LDLRAD4: variants seen among roughly 807,000 people sequenced by gnomAD.
LDLRAD4 encodes low density lipoprotein receptor class A domain containing 4.
Under a neutral mutation model 17.0 loss-of-function variants are expected in LDLRAD4, and 5 were observed. The ratio of observed to expected loss-of-function variants is 0.29; its 90% CI spans 0.15 to 0.62. The LOEUF (loss-of-function observed/expected upper bound fraction) is 0.62. LDLRAD4 is among the 20% of genes least tolerant of loss of function. The pLI is 0.84. For synonymous variants in LDLRAD4, 168 were observed against 171.8 expected, an observed-to-expected ratio of 0.98 and a Z score of 0.17; for missense variants, 340 against 424.7, an observed-to-expected ratio of 0.80 and a Z score of 1.75.
rs767965934 is a variant in LDLRAD4, at chr18:13,560,313, C to T, written c.182-60804C>T. ...ATGTCACAAGGAGTCTGTCCGGCTG[C>T]TCACCTTTTCTCTGACTTCTGAGCA... On this transcript the variant is annotated intron_variant, in intron 3 of 5. Transcript: ENST00000359446. 2.8e-4 allele frequency among the ~76,000 whole-genome samples: 42 copies of T among 152,216 alleles called. 2 individuals are homozygous for T. The highest frequency in any genetic ancestry group is 2.6e-4 in the Admixed American group (4 of 15,278).
intron 2 of LDLRAD4, among the ~76,000 whole-genome samples, chr18:13,435,640 G>T (rs1290482279): frequency 1.3e-5 from 2 of 152,106 alleles, no homozygotes; most frequent in Non-Finnish European, 2.9e-5. Flanking sequence ...TAGAGACAGG[G>T]TCTCGCTTTG....
chr18:13,642,212 T>C, intron 4 of LDLRAD4: 1 of 985,884 alleles, frequency 1.0e-6, no homozygotes, highest in Non-Finnish European at 1.2e-6. Flanking sequence ...CGGTGTTTCT[T>C]CCGCGCCGTC....
chr18:13,226,439 C>T (rs1324747687), intron 1 of LDLRAD4, among the ~76,000 whole-genome samples: 1 of 151,810 alleles, frequency 6.6e-6, no homozygotes, highest in Non-Finnish European at 1.5e-5. Flanking sequence ...GGAGAGGCAA[C>T]TTAGATTCCC....
rs145687084 is a variant in LDLRAD4 at position 13,378,735 on chromosome 18, A to G, written c.-382-8606A>G. Among the ~76,000 whole-genome samples the G allele has an allele frequency of 6.7e-3, 1,022 of 152,016 alleles. 42 individuals are homozygous for G. The highest frequency in any genetic ancestry group is 0.045 in the Admixed American group (688 of 15,290). ...TTCATACCAAAAACCTCACCCACAC[A>G]CTTTCTCTAATTTTGTATCCTTTCT... On this transcript the variant is annotated intron_variant, in intron 1 of 5. Transcript: ENST00000359446.
chr18:13,456,953 C>T (rs7244136), intron 3 of LDLRAD4, among the ~76,000 whole-genome samples: 83,980 of 152,114 alleles, frequency 0.55, 23,514 homozygotes, highest in African/African-American at 0.6. Flanking sequence ...TTTCTGTCTG[C>T]CTGGGGAAAA....
chr18:13,331,151 A>T (rs903842223), intron 1 of LDLRAD4, among the ~76,000 whole-genome samples: 1 of 152,242 alleles, frequency 6.6e-6, no homozygotes, highest in Non-Finnish European at 1.5e-5. Flanking sequence ...CCCGATTTAT[A>T]GCTTGTCAGC....
At chr18:13,333,260 T>G (rs1283476097) in intron 1 of LDLRAD4, among the ~76,000 whole-genome samples, 1 of 152,222 alleles carries the variant, frequency 6.6e-6, no homozygotes, top group Non-Finnish European at 1.5e-5. Context: ...TAAATTGGGT[T>G]GTTTGTTTTC....
intron 1 of LDLRAD4, among the ~76,000 whole-genome samples, chr18:13,235,599 A>G (rs1466192168): frequency 6.6e-6 from 1 of 152,216 alleles, no homozygotes; most frequent in African/African-American, 2.4e-5. Context: ...AAAACCCCCC[A>G]CATTCTAAAT....
rs571085931 is a variant in LDLRAD4 at position 13,601,383 on chromosome 18, A to G, written c.182-19734A>G. ...ACAAACATAGGAAAAAATGCTCAAC[A>G]TCACTAACCATAAGAGAAATGCAAA... On this transcript the variant is annotated intron_variant, in intron 3 of 5. Transcript: ENST00000359446. 3.9e-5 allele frequency among the ~76,000 whole-genome samples: 6 copies of G among 152,332 alleles called. No individual in the cohort carries two copies. The South Asian group carries it at 1.2e-3, about 32-fold the overall frequency.
intron 2 of LDLRAD4, among the ~76,000 whole-genome samples, chr18:13,394,785 A>C (rs1173470113): frequency 1.3e-5 from 2 of 152,214 alleles, no homozygotes; most frequent in South Asian, 4.1e-4. Flanking sequence ...TGCATGTCTC[A>C]TTAGGTTCTT....
intron 3 of LDLRAD4, among the ~76,000 whole-genome samples, chr18:13,532,991 C>T (rs1184424234): frequency 6.6e-6 from 1 of 152,214 alleles, no homozygotes; most frequent in East Asian, 1.9e-4. Context: ...GGAAATGAGC[C>T]TCGTTTGGCT....
At chr18:13,315,951 T>C (rs1359349531) in intron 1 of LDLRAD4, among the ~76,000 whole-genome samples, 3 of 151,442 alleles carry the variant, frequency 2.0e-5, no homozygotes, top group Non-Finnish European at 4.4e-5. Flanking sequence ...GAGTGAGGCA[T>C]AGAGAAGAAA....
At chr18:13,568,020 C>T (rs886687698) in intron 3 of LDLRAD4, among the ~76,000 whole-genome samples, 1 of 150,826 alleles carries the variant, frequency 6.6e-6, no homozygotes, top group Non-Finnish European at 1.5e-5. Context: ...CACTGTGGCT[C>T]ACACCTGTAA....
At chr18:13,231,903 T>G (rs762898694) in intron 1 of LDLRAD4, among the ~76,000 whole-genome samples, 3 of 152,200 alleles carry the variant, frequency 2.0e-5, no homozygotes, top group Non-Finnish European at 4.4e-5. Flanking sequence ...GAAACCTAAT[T>G]GGAATGTGAT....
chr18:13,582,646 C>T (rs1015682674), intron 3 of LDLRAD4, among the ~76,000 whole-genome samples: 5 of 152,228 alleles, frequency 3.3e-5, no homozygotes, highest in African/African-American at 9.6e-5. Context: ...AGCCTTGCCA[C>T]GAGCTCTGCT....
intron 3 of LDLRAD4, among the ~76,000 whole-genome samples, chr18:13,461,711 A>G (rs1431418902): frequency 2.6e-5 from 4 of 152,178 alleles, no homozygotes; most frequent in Non-Finnish European, 5.9e-5. Context: ...GGTTGCAGGA[A>G]GGGGCCAATC....
intron 1 of LDLRAD4, among the ~76,000 whole-genome samples, chr18:13,317,852 G>A (rs1290160193): frequency 1.3e-5 from 2 of 152,032 alleles, no homozygotes; most frequent in African/African-American, 4.8e-5. Context: ...TCCAATGAAC[G>A]TTTGTTACTC....
intron 1 of LDLRAD4, among the ~76,000 whole-genome samples, chr18:13,293,770 T>C (rs1323489079): frequency 1.3e-5 from 2 of 152,246 alleles, no homozygotes; most frequent in African/African-American, 2.4e-5. Context: ...TTTTATCTCA[T>C]TAGTCATTGT....
intron 3 of LDLRAD4, among the ~76,000 whole-genome samples, chr18:13,496,255 T>C (rs901344835): frequency 1.3e-5 from 2 of 152,172 alleles, no homozygotes; most frequent in African/African-American, 4.8e-5. Flanking sequence ...GTGGAGTCTG[T>C]TCCTCTGGAA....
Sources: allele counts gnomAD v4.1 joint callset (sites outside exome capture counted in the v4.1 genomes callset), GRCh38; gene constraint gnomAD v4.1.1; transcripts MANE v1.5; gene names NCBI Gene and HGNC (gene_info 2026-07-23, HGNC 2026-07-21).